Variants in GPR176 observed in about 807,000 individuals in gnomAD.
The protein encoded by GPR176 is G-protein coupled receptor 176.
Under a neutral mutation model 35.4 loss-of-function variants are expected in GPR176, and 26 were observed. That is an observed-to-expected ratio of 0.74 (90% CI 0.54 to 1.02). The LOEUF (loss-of-function observed/expected upper bound fraction) is 1.02. Among genes scored for constraint, GPR176 ranks in the 50% least tolerant of loss-of-function variants. The probability of loss-of-function intolerance (pLI) is 0.00; values close to 1 mark genes in which losing one functional copy is unlikely to be tolerated. For synonymous variants in GPR176, 278 were observed against 271.3 expected, an observed-to-expected ratio of 1.02 and a Z score of -0.24; for missense variants, 597 against 665.3, an observed-to-expected ratio of 0.90 and a Z score of 1.13.
At chr15:39,872,065 T>C (rs980238573) in intron 1 of GPR176, among the ~76,000 whole-genome samples, 1 of 152,220 alleles carries the variant, frequency 6.6e-6, no homozygotes, top group Non-Finnish European at 1.5e-5. Context: ...TTAGGCTCTA[T>C]AGAGAATACA....
At chr15:39,879,061 T>C (rs1409386621) in intron 1 of GPR176, among the ~76,000 whole-genome samples, 1 of 152,218 alleles carries the variant, frequency 6.6e-6, no homozygotes, top group Non-Finnish European at 1.5e-5. Context: ...GCTGTAATGA[T>C]ACTACAACAG....
At chr15:39,858,878 C>T (rs767791777) in intron 1 of GPR176, among the ~76,000 whole-genome samples, 38 of 152,160 alleles carry the variant, frequency 2.5e-4, no homozygotes, top group Admixed American at 9.8e-4. Flanking sequence ...TCCTGAGTAG[C>T]TGGGATTACA....
chr15:39,896,895 T>C (rs1011769605), intron 1 of GPR176, among the ~76,000 whole-genome samples: 2 of 152,218 alleles, frequency 1.3e-5, no homozygotes, highest in African/African-American at 4.8e-5. Context: ...AGGAATAGAT[T>C]TGTGTGACCA....
chr15:39,801,699 G>A lies in GPR176; in HGVS notation c.981C>T (p.Val327=), dbSNP rs3743127. 11 of 1,613,410 alleles carry A rather than the reference G, an allele frequency of 6.8e-6. No individual in the cohort carries two copies. The East Asian group carries it at 1.6e-4, about 23-fold the overall frequency. The change falls in exon 3 of 3, where the codon GTC becomes GTT. Residue 327 remains valine, a synonymous_variant. Transcript: ENST00000561100. The stretch of plus-strand genomic sequence containing the variant: ...CCAGGGTCCCTATCAAGCACTTGCG[G>A]ACAGATTTGTTCACAGTAAGAAAGA... ...PVLFLTVNKS[V]RKCLIGTLVQ...
intron 1 of GPR176, among the ~76,000 whole-genome samples, chr15:39,897,032 A>G: frequency 6.6e-6 from 1 of 152,216 alleles, no homozygotes; most frequent in Non-Finnish European, 1.5e-5. Context: ...TTCAGTCTGG[A>G]AAAATGCATT....
intron 1 of GPR176, among the ~76,000 whole-genome samples, chr15:39,910,456 G>A (rs190893184): frequency 1.3e-5 from 2 of 151,930 alleles, no homozygotes; most frequent in South Asian, 2.1e-4. Context: ...GCCTGGTGGG[G>A]CTGAGGCAGG....
chr15:39,801,757 A>C lies in GPR176; in HGVS notation c.923T>G (p.Leu308Arg), dbSNP rs1383973807. Reference protein sequence around the residue: ...SVFLLLTAVWLPKVSLLANPV... With the variant: ...SVFLLLTAVWRPKVSLLANPV... ...GTTTGCCAGCAGGGAGACTTTGGGCAGCCAAACAGCAGTGAGCAGCAAGAA... is the reference window on the plus strand; with the variant it reads ...GTTTGCCAGCAGGGAGACTTTGGGCCGCCAAACAGCAGTGAGCAGCAAGAA... The change falls in exon 3 of 3, where the codon CTG becomes CGG. Residue 308 changes from leucine (L) to arginine (R), a missense_variant. Transcript: ENST00000561100. 1 of 1,613,908 alleles carries C rather than the reference A, an allele frequency of 6.2e-7. No homozygotes were observed. The highest frequency in any genetic ancestry group is 2.2e-5 in the East Asian group (1 of 44,892).
intron 1 of GPR176, among the ~76,000 whole-genome samples, chr15:39,886,745 CCTGTAATTAATTATGTTCACCTTCAA>C (rs1445333895): frequency 1.3e-5 from 2 of 152,132 alleles, no homozygotes; most frequent in Non-Finnish European, 2.9e-5. Context: ...AAATGAAATG[CCTGTAATTAATTATGTTCACCTTCAA>C]CTGTAATGAC....
chr15:39,890,905 A>T (rs2032847223), intron 1 of GPR176, among the ~76,000 whole-genome samples: 1 of 152,234 alleles, frequency 6.6e-6, no homozygotes, highest in African/African-American at 2.4e-5. Context: ...GCACCCTGGT[A>T]TATATCCCTT....
intron 1 of GPR176, chr15:39,829,390 C>A: frequency 8.3e-7 from 1 of 1,206,934 alleles, no homozygotes; most frequent in Non-Finnish European, 1.0e-6. Flanking sequence ...GCTCTGAGGT[C>A]AAATCTAGGA....
At chr15:39,841,431 G>A (rs1472048918) in intron 1 of GPR176, among the ~76,000 whole-genome samples, 1 of 151,400 alleles carries the variant, frequency 6.6e-6, no homozygotes, top group Non-Finnish European at 1.5e-5. Context: ...GAATTATGGT[G>A]GGCCCTAATC....
Position 39,807,242 on chromosome 15 carries a change from T to A in GPR176, c.189A>T (p.Leu63Phe). 1 of 1,582,394 alleles carries A rather than the reference T, an allele frequency of 6.3e-7. No individual in the cohort carries two copies. The highest frequency in any genetic ancestry group is 1.2e-5 in the South Asian group (1 of 85,438). ...ACACGGTTGTGCGGCAAGTTGACCA[T>A]AACACCATGAAGTTTCCTGGTCAGA... ...IGSLLGNFMV[L>F]WSTCRTTVFK... The change falls in exon 2 of 3, where the codon TTA (leucine) becomes TTT (phenylalanine). Residue 63 changes from leucine to phenylalanine, a missense_variant. This residue lies in a region of GPR176 where 126 missense variants were observed against 112.4 expected (regional missense o/e 1.12). Transcript: ENST00000561100.
intron 1 of GPR176, among the ~76,000 whole-genome samples, chr15:39,850,393 C>T (rs1214858664): frequency 2.6e-5 from 4 of 152,162 alleles, no homozygotes; most frequent in Non-Finnish European, 5.9e-5. Flanking sequence ...AATGCTTTCT[C>T]CCCAGGACTG....
chr15:39,851,984 G>A (rs943555774), intron 1 of GPR176, among the ~76,000 whole-genome samples: 2 of 152,026 alleles, frequency 1.3e-5, no homozygotes, highest in Non-Finnish European at 1.5e-5. Flanking sequence ...TGTGCCCCAG[G>A]AGTATCATAA....
intron 1 of GPR176, among the ~76,000 whole-genome samples, chr15:39,843,185 A>C (rs1050865959): frequency 1.3e-5 from 2 of 152,110 alleles, no homozygotes; most frequent in African/African-American, 2.4e-5. Flanking sequence ...AGTGGCTGTC[A>C]TGTGGGAATC....
At chr15:39,825,236 G>A (rs915360929) in intron 1 of GPR176, among the ~76,000 whole-genome samples, 4 of 152,006 alleles carry the variant, frequency 2.6e-5, no homozygotes, top group African/African-American at 9.7e-5. Context: ...AGTATAGGAA[G>A]AAAGAAAAAT....
intron 1 of GPR176, among the ~76,000 whole-genome samples, chr15:39,826,359 TCCA>T (rs961100109): frequency 2.0e-5 from 3 of 151,364 alleles, no homozygotes; most frequent in Non-Finnish European, 4.4e-5. Flanking sequence ...TGAAAAGGGG[TCCA>T]CTTCTGGAAC....
chr15:39,821,358 GCAAT>G (rs1900261699), intron 1 of GPR176, among the ~76,000 whole-genome samples: 1 of 152,138 alleles, frequency 6.6e-6, no homozygotes, highest in Non-Finnish European at 1.5e-5. Flanking sequence ...CTTTCACAGT[GCAAT>G]CAATGTCACT....
At chr15:39,831,125 T>A (rs1901052425) in intron 1 of GPR176, among the ~76,000 whole-genome samples, 1 of 152,172 alleles carries the variant, frequency 6.6e-6, no homozygotes, top group Non-Finnish European at 1.5e-5. Context: ...GTTAACTTGG[T>A]TTTTAGGTAC....
Sources: gnomAD v4.1 joint callset for allele counts (sites outside exome capture counted in the v4.1 genomes callset) on GRCh38, gnomAD v4.1.1 for gene constraint, gnomAD v4.1.1 regional missense constraint, MANE v1.5 for transcripts, NCBI Gene and HGNC (gene_info 2026-07-23, HGNC 2026-07-21) for gene names.